Variants in OR5M3 observed in about 807,000 individuals in gnomAD.
The protein encoded by OR5M3 is olfactory receptor family 5 subfamily M member 3.
For missense variants in OR5M3, 384 were observed against 378.6 expected (o/e 1.01, Z -0.12); for synonymous variants, 129 against 131.3 (o/e 0.98, Z 0.12).
chr11:56,471,357 A>G (rs1351405424), intron 1 of OR5M3, among the ~76,000 whole-genome samples: 6 of 151,920 alleles, frequency 3.9e-5, no homozygotes, highest in Non-Finnish European at 8.8e-5. Context: ...GTGGAATTCT[A>G]GGAAGGTTTC....
chr11:56,472,484 G>A (rs2134837090), intron 1 of OR5M3, among the ~76,000 whole-genome samples: 1 of 152,060 alleles, frequency 6.6e-6, no homozygotes, highest in East Asian at 1.9e-4. Flanking sequence ...TGTAGTGACG[G>A]GTGATTCAGC....
In OR5M3 at chr11:56,473,345, C is replaced by T. The variant is rs779051189; in HGVS notation, c.-169G>A. 6.6e-6 allele frequency: 1 copy of T among 152,080 alleles called. No homozygotes were observed. The highest frequency in any genetic ancestry group is 1.5e-5 in the Non-Finnish European group (1 of 67,992). 9.4% of individuals were successfully genotyped at this position (152,080 alleles called of 1,614,324 possible). A position where few individuals can be genotyped will look rare whatever the true frequency, so the allele number is the denominator to read the frequency against. On this transcript the variant is annotated 5_prime_UTR_variant, in exon 1 of 2. Transcript: ENST00000641993. ...TTGGAAAAGTCCACAGTGGAAGCCT[C>T]CCTTAACTGCTTGCCTTAGAAAGCA... is the stretch of plus-strand genomic sequence containing the variant.
In OR5M3 at chr11:56,470,558, G is replaced by T; in HGVS notation, c.-44-17C>A. 3 of 864,588 alleles carry T rather than the reference G, an allele frequency of 3.5e-6. No homozygotes were observed. The highest frequency in any genetic ancestry group is 5.2e-6 in the Non-Finnish European group (3 of 580,436). 53.6% of individuals were successfully genotyped at this position (864,588 alleles called of 1,614,324 possible). ...TTTTGATAACTAAAATAAAATAAAGGAAATATTAGAATATTTATTTATTAA... is the reference window on the plus strand; with the variant it reads ...TTTTGATAACTAAAATAAAATAAAGTAAATATTAGAATATTTATTTATTAA... On this transcript the variant is annotated splice_polypyrimidine_tract_variant and intron_variant, in intron 1 of 1. Coordinates refer to ENST00000641993, the MANE Select transcript of OR5M3 (RefSeq NM_001004742.3).
Position 56,470,142 on chromosome 11 carries a change from T to G in OR5M3, c.356A>C (p.Asp119Ala). The change falls in exon 2 of 2, where the codon GAT becomes GCT. Residue 119 changes from aspartate to alanine, a missense_variant. Physicochemically the swap from Asp to Ala is moderately radical, Grantham distance 126 (BLOSUM62 -2). Coordinates refer to ENST00000641993, the MANE Select transcript of OR5M3 (RefSeq NM_001004742.3). ...AGGATTCCCAATTGCCATGTATCTA[T>G]CAAAGGCCATCGCAGCAAGAATAAA... Reference protein sequence around the residue: ...EIFILAAMAFDRYMAIGNPLL... With the variant: ...EIFILAAMAFARYMAIGNPLL... 6.2e-7 allele frequency: 1 copy of G among 1,605,342 alleles called. No individual in the cohort carries two copies. Among genetic ancestry groups the G allele is most frequent in the Non-Finnish European group, 8.5e-7 (1 of 1,171,972 alleles).
intron 1 of OR5M3, among the ~76,000 whole-genome samples, chr11:56,471,540 T>C (rs1254395551): frequency 6.6e-6 from 1 of 152,006 alleles, no homozygotes; most frequent in Admixed American, 6.6e-5. Flanking sequence ...GACATCTTTG[T>C]GTCCTGTCAA....
At position 56,470,485 on chromosome 11, in the gene OR5M3, T is replaced by C; in HGVS notation, c.13A>G (p.Thr5Ala). The C allele has an allele frequency of 1.3e-6, 2 of 1,567,034 alleles. No homozygotes were observed. Among genetic ancestry groups the C allele is most frequent in the Non-Finnish European group, 1.7e-6 (2 of 1,158,510 alleles). ...AAAAGAATGAACTCTGTCACATCGG[T>C]GAAATTGAGCATTTTCTGAATTCTA... MLNF[T>A]DVTEFILLGL... The change falls in exon 2 of 2, where the codon ACC (threonine) becomes GCC (alanine). Residue 5 changes from threonine to alanine, a missense_variant. Physicochemically the swap from Thr to Ala is moderately conservative, Grantham distance 58. Transcript: ENST00000641993.
Position 56,469,905 on chromosome 11 carries a change from A to G in OR5M3, c.593T>C (p.Ile198Thr). 13 of 1,612,914 alleles carry G rather than the reference A, an allele frequency of 8.1e-6. No homozygotes were observed. Among genetic ancestry groups the G allele is most frequent in the Non-Finnish European group, 1.1e-5 (13 of 1,178,924 alleles). ...AGTFVKEYTMIILAGINFTYS... is the reference protein window; with the variant it reads ...AGTFVKEYTMTILAGINFTYS... ...TGTGAAGTTAATGCCGGCAAGTATG[A>G]TCATTGTATATTCTTTTACAAAGGT... Residue 198 changes from isoleucine (I) to threonine (T), a missense_variant, in exon 2 of 2, where the codon ATC becomes ACC. Coordinates refer to ENST00000641993, the MANE Select transcript of OR5M3 (RefSeq NM_001004742.3).
intron 1 of OR5M3, among the ~76,000 whole-genome samples, chr11:56,470,860 A>C (rs973756190): frequency 6.6e-6 from 1 of 152,122 alleles, no homozygotes; most frequent in African/African-American, 2.4e-5. Flanking sequence ...AGATAATTAC[A>C]ATGGATTATA....
Position 56,470,430 on chromosome 11 carries a change from A to G in OR5M3, c.68T>C (p.Val23Ala), listed in dbSNP as rs1200514691. 1 of 1,611,596 alleles carries G rather than the reference A, an allele frequency of 6.2e-7. No individual in the cohort carries two copies. The highest frequency in any genetic ancestry group is 8.5e-7 in the Non-Finnish European group (1 of 1,178,342). ...CACAAGAAAGATGATGAAGAAGAGA[A>G]CTTGCCATTCTCGACGGCTCGTTAG... The part of the protein sequence containing the change: ...LGLTSRREWQ[V>A]LFFIIFLVVY... The change falls in exon 2 of 2, where the codon GTT (valine) becomes GCT (alanine). Residue 23 changes from valine (V) to alanine (A), a missense_variant. Transcript: ENST00000641993.
Position 56,469,865 on chromosome 11 carries a change from T to C in OR5M3, c.633A>G (p.Val211=). 3 of 1,613,148 alleles carry C rather than the reference T, an allele frequency of 1.9e-6. No homozygotes were observed. The highest frequency in any genetic ancestry group is 2.5e-6 in the Non-Finnish European group (3 of 1,179,122). ...GGATGAATAAGTAAGAGATGATAAT[T>C]ACAGTCAGGGAATATGTGAAGTTAA... The part of the protein sequence containing the change: ...AGINFTYSLT[V]IIISYLFILI... The change falls in exon 2 of 2, where the codon GTA becomes GTG. Residue 211 remains valine (V), a synonymous_variant. Coordinates refer to ENST00000641993, the MANE Select transcript of OR5M3 (RefSeq NM_001004742.3).
intron 1 of OR5M3, among the ~76,000 whole-genome samples, chr11:56,471,422 C>T (rs1853666319): frequency 6.6e-6 from 1 of 151,900 alleles, no homozygotes; most frequent in African/African-American, 2.4e-5. Flanking sequence ...TAGGAAACTT[C>T]TTCTAGAAAA....
At position 56,469,341 on chromosome 11, in the gene OR5M3, G is replaced by A. The variant is rs573126448; in HGVS notation, c.*233C>T. 2 of 344,184 alleles carry A rather than the reference G, an allele frequency of 5.8e-6. No homozygotes were observed. Among genetic ancestry groups the A allele is most frequent in the African/African-American group, 4.2e-5 (2 of 47,316 alleles). The allele number at this position is 344,184 out of a possible 1,614,324, so 21.3% of individuals were successfully genotyped here. Reference sequence around the variant, plus strand: ...GAGCAATTTCCCTTAGTACACCTATGAACTTTGGCACACATCACAGTTTCA... The same window carrying A: ...GAGCAATTTCCCTTAGTACACCTATAAACTTTGGCACACATCACAGTTTCA... On this transcript the variant is annotated 3_prime_UTR_variant, in exon 2 of 2. Coordinates refer to ENST00000641993, the MANE Select transcript of OR5M3 (RefSeq NM_001004742.3).
In OR5M3 at chr11:56,469,934, A is replaced by G. The variant is rs617315; in HGVS notation, c.564T>C (p.Ala188=). ...TTGTATATTCTTTTACAAAGGTCCC[A>G]GCACAGGCCATTTTGATGAGAGGTG... is the stretch of plus-strand genomic sequence containing the variant. ...ADPPLIKMAC[A]GTFVKEYTMI... is the part of the protein sequence containing the mutation. The change falls in exon 2 of 2, where the codon GCT becomes GCC. Residue 188 remains alanine, a synonymous_variant. Transcript: ENST00000641993. 352,387 of 1,606,514 alleles carry G rather than the reference A, an allele frequency of 0.22. 41,759 individuals are homozygous for G. Among genetic ancestry groups the G allele is most frequent in the Non-Finnish European group, 0.24 (276,167 of 1,173,086 alleles).
Position 56,469,961 on chromosome 11 carries a change from A to G in OR5M3, c.537T>C (p.Asp179=). Residue 179 remains aspartate, a synonymous_variant, in exon 2 of 2, where the codon GAT becomes GAC. Transcript: ENST00000641993. The part of the protein sequence containing the change: ...KIEINHFYCA[D]PPLIKMACAG... ...CACAGGCCATTTTGATGAGAGGTGG[A>G]TCTGCACAGTAGAAATGGTTGATCT... The G allele has an allele frequency of 1.2e-6, 2 of 1,613,380 alleles. No homozygotes were observed. Among genetic ancestry groups the G allele is most frequent in the Non-Finnish European group, 1.7e-6 (2 of 1,179,368 alleles).
chr11:56,472,815 A>G (rs1366048696), intron 1 of OR5M3, among the ~76,000 whole-genome samples: 1 of 152,074 alleles, frequency 6.6e-6, no homozygotes, highest in Non-Finnish European at 1.5e-5. Flanking sequence ...TAAGTATCCT[A>G]GTTAAAGTGT....
At chr11:56,471,106 T>C (rs1409577929) in intron 1 of OR5M3, among the ~76,000 whole-genome samples, 2 of 152,080 alleles carry the variant, frequency 1.3e-5, no homozygotes, top group Non-Finnish European at 2.9e-5. Flanking sequence ...TTGGTCCATG[T>C]TCACACTATA....
Position 56,469,356 on chromosome 11 carries a change from T to A in OR5M3, c.*218A>T, listed in dbSNP as rs1398513238. 2 of 381,960 alleles carry A rather than the reference T, an allele frequency of 5.2e-6. No homozygotes were observed. The highest frequency in any genetic ancestry group is 9.4e-6 in the Non-Finnish European group (2 of 212,654). The allele number at this position is 381,960 out of a possible 1,614,324, so 23.7% of individuals were successfully genotyped here. Reference sequence around the variant, plus strand: ...GTACACCTATGAACTTTGGCACACATCACAGTTTCAATTAACTTATTTGTA... The same window carrying A: ...GTACACCTATGAACTTTGGCACACAACACAGTTTCAATTAACTTATTTGTA... On this transcript the variant is annotated 3_prime_UTR_variant, in exon 2 of 2. Coordinates refer to ENST00000641993, the MANE Select transcript of OR5M3 (RefSeq NM_001004742.3).
rs1345603244 is a variant in OR5M3 at position 56,469,380 on chromosome 11, T to A, written c.*194A>T. ...ATCACAGTTTCAATTAACTTATTTG[T>A]ATGTAATTAATCTCCATACTCACAT... On this transcript the variant is annotated 3_prime_UTR_variant, in exon 2 of 2. Coordinates refer to ENST00000641993, the MANE Select transcript of OR5M3 (RefSeq NM_001004742.3). 4 of 433,832 alleles carry A rather than the reference T, an allele frequency of 9.2e-6. No homozygotes were observed. Among genetic ancestry groups the A allele is most frequent in the Non-Finnish European group, 1.6e-5 (4 of 242,824 alleles). 26.9% of individuals were successfully genotyped at this position (433,832 alleles called of 1,614,324 possible).
chr11:56,469,964 T>C lies in OR5M3; in HGVS notation c.534A>G (p.Ala178=), dbSNP rs140433398. Residue 178 remains alanine (A), a synonymous_variant, in exon 2 of 2, where the codon GCA becomes GCG. Transcript: ENST00000641993. The part of the protein sequence containing the change: ...GKIEINHFYC[A]DPPLIKMACA... Reference sequence around the variant, plus strand: ...AGGCCATTTTGATGAGAGGTGGATCTGCACAGTAGAAATGGTTGATCTCAA... The same window carrying C: ...AGGCCATTTTGATGAGAGGTGGATCCGCACAGTAGAAATGGTTGATCTCAA... 2 of 1,613,446 alleles carry C rather than the reference T, an allele frequency of 1.2e-6. No homozygotes were observed. The highest frequency in any genetic ancestry group is 1.7e-6 in the Non-Finnish European group (2 of 1,179,434).
Sources: allele counts gnomAD v4.1 joint callset (sites outside exome capture counted in the v4.1 genomes callset), GRCh38; gene constraint gnomAD v4.1.1; transcripts MANE v1.5; gene names NCBI Gene and HGNC (gene_info 2026-07-23, HGNC 2026-07-21).